TSPAN32: variants seen among roughly 807,000 people sequenced by gnomAD.
The protein encoded by TSPAN32 is tetraspanin-32.
Under a neutral mutation model 42.7 loss-of-function variants are expected in TSPAN32, and 47 were observed. The observed-to-expected ratio is 1.10, with a 90% confidence interval of 0.87 to 1.40. The LOEUF (loss-of-function observed/expected upper bound fraction) is 1.40. Ranked by LOEUF, TSPAN32 falls within the 40% of genes most tolerant of loss-of-function variation. The pLI is 0.00. For synonymous variants in TSPAN32, 175 were observed against 175.9 expected (o/e 0.99, Z 0.04); for missense variants, 469 against 424.1 (o/e 1.11, Z -0.93).
Position 2,302,193 on chromosome 11 carries a change from T to A in TSPAN32, c.44T>A (p.Leu15Gln), listed in dbSNP as rs777152824. ...GTCAGGGTTGCCAAATGCCAGATGCTGGTCACCTGCTTCTTTATCTTGGTA... is the reference window on the plus strand; with the variant it reads ...GTCAGGGTTGCCAAATGCCAGATGCAGGTCACCTGCTTCTTTATCTTGGTA... ...SRVRVAKCQM[L>Q]VTCFFILLLG... Residue 15 changes from leucine (L) to glutamine (Q), a missense_variant, in exon 1 of 10, where the codon CTG (leucine) becomes CAG (glutamine). Leu to Gln is a moderately radical substitution (Grantham distance 113). Coordinates refer to ENST00000182290, the MANE Select transcript of TSPAN32 (RefSeq NM_139022.3). 4.3e-6 allele frequency: 6 copies of A among 1,388,208 alleles called. No individual in the cohort carries two copies. The highest frequency in any genetic ancestry group is 4.7e-6 in the Non-Finnish European group (5 of 1,065,584). 86.0% of individuals were successfully genotyped at this position (1,388,208 alleles called of 1,614,324 possible).
intron 2 of TSPAN32, chr11:2,303,279 C>G: frequency 4.0e-6 from 1 of 253,100 alleles, no homozygotes; most frequent in South Asian, 4.6e-5. Context: ...CAGTCCCAGG[C>G]AGGCCTGGGA....
intron 3 of TSPAN32, among the ~76,000 whole-genome samples, chr11:2,305,701 C>A (rs2133300239): frequency 6.6e-6 from 1 of 152,350 alleles, no homozygotes; most frequent in East Asian, 1.9e-4. Flanking sequence ...CCAGCCAGCC[C>A]CAAGGCCAGG....
chr11:2,309,079 C>A (rs922516087), intron 4 of TSPAN32, among the ~76,000 whole-genome samples: 1 of 152,066 alleles, frequency 6.6e-6, no homozygotes, highest in South Asian at 2.1e-4. Flanking sequence ...TTCTTAAAGC[C>A]CCTCAGCCCA....
intron 4 of TSPAN32, among the ~76,000 whole-genome samples, chr11:2,310,438 C>A (rs1257943235): frequency 6.6e-6 from 1 of 152,168 alleles, no homozygotes; most frequent in Non-Finnish European, 1.5e-5. Context: ...GGCCCGTGCG[C>A]CCAGCTGCCC....
chr11:2,314,825 C>T (rs994813979), intron 6 of TSPAN32: 1 of 532,208 alleles, frequency 1.9e-6, no homozygotes, highest in Non-Finnish European at 3.4e-6. Context: ...CAGCTGGACG[C>T]AGGCCCCATG....
chr11:2,302,137 G>C lies in TSPAN32; in HGVS notation c.-13G>C. On this transcript the variant is annotated 5_prime_UTR_variant, in exon 1 of 10. Coordinates refer to ENST00000182290, the MANE Select transcript of TSPAN32 (RefSeq NM_139022.3). ...GGGAAGGGAGGGGAGGAGAGGAGAG[G>C]AGAGGAACCGTCATGGGGCCTTGGA... The C allele has an allele frequency of 6.8e-7, 1 of 1,472,862 alleles. No homozygotes were observed. Among genetic ancestry groups the C allele is most frequent in the Non-Finnish European group, 9.0e-7 (1 of 1,111,624 alleles). 91.2% of individuals were successfully genotyped at this position (1,472,862 alleles called of 1,614,324 possible).
chr11:2,313,506 T>G lies in TSPAN32; in HGVS notation c.355-148T>G. Reference sequence around the variant, plus strand: ...GCTGCCCAGGGACCCAGGTTCCGCTTTGGGGAGATCCACCTGCTACAAGGA... The same window carrying G: ...GCTGCCCAGGGACCCAGGTTCCGCTGTGGGGAGATCCACCTGCTACAAGGA... On this transcript the variant is annotated intron_variant, in intron 4 of 9. Coordinates refer to ENST00000182290, the MANE Select transcript of TSPAN32 (RefSeq NM_139022.3). This position sits in a 1 kb window ranked among gnomAD's most constrained non-coding sequence, Gnocchi z 9.1. 1.6e-6 allele frequency: 1 copy of G among 624,240 alleles called. No homozygotes were observed. The highest frequency in any genetic ancestry group is 2.8e-6 in the Non-Finnish European group (1 of 360,930). The allele number at this position is 624,240 out of a possible 1,614,324, so 38.7% of individuals were successfully genotyped here.
rs905319698 is a variant in TSPAN32, at chr11:2,304,411, G to C, written c.279+207G>C. ...GAGGCCCCAGGGATGCTAGCCAGCC[G>C]AGACCCCCTACCTGGGTAGCCAAGG... On this transcript the variant is annotated intron_variant, in intron 3 of 9. Coordinates refer to ENST00000182290, the MANE Select transcript of TSPAN32 (RefSeq NM_139022.3). The surrounding 1 kb of genome is among the most constrained non-coding windows in gnomAD (Gnocchi z 4.8). Among the ~76,000 whole-genome samples the C allele has an allele frequency of 6.6e-6, 1 of 151,900 alleles. No homozygotes were observed.
chr11:2,309,617 C>G (rs1466651539), intron 4 of TSPAN32: 2 of 297,882 alleles, frequency 6.7e-6, no homozygotes, highest in Non-Finnish European at 1.4e-5. Context: ...TCTTGGAGCC[C>G]TAGCTGGAGT....
rs557845408 is a variant in TSPAN32, at chr11:2,313,088, C to T, written c.355-566C>T. ...CCGTCACCTTCCACCTTCTTCACCC[C>T]CTGCCCCACAGTGGCCTCGTCCACC... On this transcript the variant is annotated intron_variant, in intron 4 of 9. Transcript: ENST00000182290. This position sits in a 1 kb window ranked among gnomAD's most constrained non-coding sequence, Gnocchi z 9.1. Among the ~76,000 whole-genome samples the T allele has an allele frequency of 3.1e-3, 469 of 152,314 alleles. 2 individuals are homozygous for T. The highest frequency in any genetic ancestry group is 3.8e-3 in the Non-Finnish European group (257 of 68,020).
At chr11:2,308,690 C>A in intron 3 of TSPAN32, 46 bp from the exon 4 acceptor site, 1 of 1,001,762 alleles carries the variant, frequency 1.0e-6, no homozygotes, top group South Asian at 1.4e-5. Flanking sequence ...ACCAGCCCCC[C>A]GCAGTGACCA....
intron 3 of TSPAN32, among the ~76,000 whole-genome samples, chr11:2,306,360 C>T (rs940043272): frequency 3.3e-5 from 5 of 152,042 alleles, no homozygotes; most frequent in African/African-American, 9.7e-5. Flanking sequence ...GCAGCGCCGC[C>T]CAAGGAAGCA....
rs1406968753 is a variant in TSPAN32, at chr11:2,304,805, C to G, written c.279+601C>G. Among the ~76,000 whole-genome samples the G allele has an allele frequency of 2.0e-5, 3 of 151,978 alleles. No individual in the cohort carries two copies. Among genetic ancestry groups the G allele is most frequent in the Non-Finnish European group, 4.4e-5 (3 of 67,958 alleles). On this transcript the variant is annotated intron_variant, in intron 3 of 9. Transcript: ENST00000182290. The surrounding 1 kb of genome is among the most constrained non-coding windows in gnomAD (Gnocchi z 4.8). ...CATTCCTACTCCTCCCCATGGGCTTCTGTCTTGGTCCCTGCCACTCGATGG... is the reference window on the plus strand; with the variant it reads ...CATTCCTACTCCTCCCCATGGGCTTGTGTCTTGGTCCCTGCCACTCGATGG...
intron 6 of TSPAN32, chr11:2,315,782 G>T (rs11022252): frequency 2.3e-6 from 3 of 1,287,450 alleles, no homozygotes; most frequent in Non-Finnish European, 3.0e-6. Context: ...GAACCAGGAA[G>T]CTGGGACTGT....
chr11:2,310,848 C>T (rs1848419203), intron 4 of TSPAN32, among the ~76,000 whole-genome samples: 1 of 152,166 alleles, frequency 6.6e-6, no homozygotes, highest in Non-Finnish European at 1.5e-5. Flanking sequence ...GATGGAGTGG[C>T]TTTGGTGCCA....
chr11:2,314,431 C>A, intron 5 of TSPAN32, 54 bp from the exon 6 acceptor site: 1 of 1,451,954 alleles, frequency 6.9e-7, no homozygotes, highest in South Asian at 1.2e-5. Context: ...ATGTGCTGCC[C>A]GCCTCCTGGG....
intron 4 of TSPAN32, among the ~76,000 whole-genome samples, chr11:2,311,746 G>A (rs1346493426): frequency 2.0e-5 from 3 of 152,168 alleles, no homozygotes; most frequent in African/African-American, 4.8e-5. Context: ...CCCGGGCACC[G>A]GAAGACGGAG....
At chr11:2,315,283 A>T in intron 6 of TSPAN32, 1 of 1,182,734 alleles carries the variant, frequency 8.5e-7, no homozygotes. Context: ...AACAGAGGGG[A>T]GGAGAGCAAA....
At position 2,313,783 on chromosome 11, in the gene TSPAN32, G is replaced by A; in HGVS notation, c.456+28G>A. The stretch of plus-strand genomic sequence containing the variant: ...GAGCGTGGGGACGGCTGGGTGGCAG[G>A]GCGGTCAGCTTCTGCTTGGACTGCA... On this transcript the variant is annotated intron_variant, in intron 5 of 9. Coordinates refer to ENST00000182290, the MANE Select transcript of TSPAN32 (RefSeq NM_139022.3). This position sits in a 1 kb window ranked among gnomAD's most constrained non-coding sequence, Gnocchi z 9.1. The A allele has an allele frequency of 6.5e-7, 1 of 1,544,950 alleles. No individual in the cohort carries two copies. The highest frequency in any genetic ancestry group is 8.7e-7 in the Non-Finnish European group (1 of 1,143,552).
Sources: gnomAD v4.1 joint callset for allele counts (sites outside exome capture counted in the v4.1 genomes callset) on GRCh38, gnomAD v4.1.1 for gene constraint, Gnocchi (gnomAD v3.1) non-coding constraint, MANE v1.5 for transcripts, NCBI Gene and HGNC (gene_info 2026-07-23, HGNC 2026-07-21) for gene names.